Variants in GRIK2 observed in about 807,000 individuals in gnomAD.
GRIK2 encodes the protein glutamate receptor ionotropic, kainate 2.
Under a neutral mutation model 100.3 loss-of-function variants are expected in GRIK2, and 32 were observed. The ratio of observed to expected loss-of-function variants is 0.32; its 90% CI spans 0.24 to 0.43. The LOEUF (loss-of-function observed/expected upper bound fraction) is 0.43, where lower values mean the gene tolerates loss of function less well. Among genes scored for constraint, GRIK2 ranks in the 20% least tolerant of loss-of-function variants. GRIK2 has a pLI of 1.00. For missense variants in GRIK2, 843 were observed against 1,114.9 expected, an observed-to-expected ratio of 0.76 and a Z score of 3.47; for synonymous variants, 417 against 389.4, an observed-to-expected ratio of 1.07 and a Z score of -0.83.
intron 2 of GRIK2, among the ~76,000 whole-genome samples, chr6:101,523,720 C>CTTTTTTTTTTTTTTTTTTTTTTTTTTTTT (rs1163558120): frequency 8.2e-6 from 1 of 121,546 alleles, no homozygotes; most frequent in Admixed American, 8.7e-5. Flanking sequence ...ACTCCTAAGT[C>CTTTTTTTTTTTTTTTTTTTTTTTTTTTTT]TTTTTTTTTT....
intron 10 of GRIK2, among the ~76,000 whole-genome samples, chr6:101,836,075 T>G (rs1783070127): frequency 6.6e-6 from 1 of 151,452 alleles, no homozygotes; most frequent in Non-Finnish European, 1.5e-5. Context: ...GGTTGAATTT[T>G]TGGGGAGGCA....
chr6:102,055,400 G>A lies in GRIK2; in HGVS notation c.2382G>A (p.Met794Ile), dbSNP rs774745190. 1 of 1,613,112 alleles carries A rather than the reference G, an allele frequency of 6.2e-7. No individual in the cohort carries two copies. The highest frequency in any genetic ancestry group is 1.7e-5 in the Admixed American group (1 of 59,992). Residue 794 changes from methionine (M) to isoleucine (I), a missense_variant, in exon 16 of 17, where the codon ATG becomes ATA. This residue lies in a region of GRIK2 where 237 missense variants were observed against 388.0 expected (regional missense o/e 0.61). Coordinates refer to ENST00000369134, the MANE Select transcript of GRIK2 (RefSeq NM_021956.5). The part of the protein sequence containing the change: ...QLQEEGKLHM[M>I]KEKWWRGNGC... ...AAGAGGAAGGCAAACTGCATATGAT[G>A]AAGGAGAAATGGTGGAGGGGCAATG...
At chr6:102,013,597 G>A (rs2114327027) in intron 14 of GRIK2, among the ~76,000 whole-genome samples, 1 of 152,098 alleles carries the variant, frequency 6.6e-6, no homozygotes, top group African/African-American at 2.4e-5. Context: ...TTATTTTAAG[G>A]TATGTTGCTT....
chr6:101,473,416 A>C (rs902014407), intron 2 of GRIK2, among the ~76,000 whole-genome samples: 1 of 151,842 alleles, frequency 6.6e-6, no homozygotes, highest in African/African-American at 2.4e-5. Flanking sequence ...GTAAACAATT[A>C]GAGTGTCATT....
At chr6:101,822,207 TACACACACACACACACAC>T (rs58680927) in intron 10 of GRIK2, among the ~76,000 whole-genome samples, 2 of 143,148 alleles carry the variant, frequency 1.4e-5, no homozygotes, top group South Asian at 4.6e-4. Context: ...TGGAGAGTTT[TACACACACACACACACAC>T]ACACACACAC....
At chr6:101,509,811 T>C (rs924819127) in intron 2 of GRIK2, among the ~76,000 whole-genome samples, 14 of 152,228 alleles carry the variant, frequency 9.2e-5, no homozygotes, top group African/African-American at 2.9e-4. Flanking sequence ...TCTCTTACTT[T>C]GCTTTCTTAG....
rs539266235 is a variant in GRIK2, at chr6:101,399,799, C to T, written c.115+407C>T. On this transcript the variant is annotated intron_variant, in intron 2 of 16. Coordinates refer to ENST00000369134, the MANE Select transcript of GRIK2 (RefSeq NM_021956.5). Reference sequence around the variant, plus strand: ...AGCTTGCGGGGCTGGTGAGTTAACACCTGGTAACTCTTTGGCGAGTTGCGC... The same window carrying T: ...AGCTTGCGGGGCTGGTGAGTTAACATCTGGTAACTCTTTGGCGAGTTGCGC... Among the ~76,000 whole-genome samples, 4 of 152,336 alleles carry T rather than the reference C, an allele frequency of 2.6e-5. No individual in the cohort carries two copies. The East Asian group carries it at 5.8e-4, about 22-fold the overall frequency.
chr6:101,983,905 T>C (rs1240249803), intron 14 of GRIK2, among the ~76,000 whole-genome samples: 2 of 151,706 alleles, frequency 1.3e-5, no homozygotes, highest in Non-Finnish European at 3.0e-5. Flanking sequence ...AATCACCATA[T>C]ATATATTTTT....
intron 2 of GRIK2, among the ~76,000 whole-genome samples, chr6:101,483,936 A>C (rs1052448118): frequency 3.3e-5 from 5 of 152,224 alleles, no homozygotes; most frequent in African/African-American, 1.2e-4. Flanking sequence ...AAAGTAGGGC[A>C]TTAATATGAA....
At chr6:102,044,822 A>G (rs1024210885) in intron 15 of GRIK2, among the ~76,000 whole-genome samples, 1 of 151,582 alleles carries the variant, frequency 6.6e-6, no homozygotes, top group Non-Finnish European at 1.5e-5. Flanking sequence ...TCTTCCTCCA[A>G]TTTTCTGGTT....
rs1472759988 is a variant in GRIK2 at position 101,634,368 on chromosome 6, A to C, written c.541+7731A>C. Among the ~76,000 whole-genome samples the C allele has an allele frequency of 2.6e-5, 4 of 152,250 alleles. No individual in the cohort carries two copies. The South Asian group carries it at 6.2e-4, about 24-fold the overall frequency. On this transcript the variant is annotated intron_variant, in intron 4 of 16. Transcript: ENST00000369134. ...ATTTACCTAGAAGGGGAAAACAAGA[A>C]AAACAGCTTCAAGAGAGAAGACGGT...
intron 2 of GRIK2, among the ~76,000 whole-genome samples, chr6:101,543,193 G>A (rs2128289437): frequency 6.6e-6 from 1 of 152,256 alleles, no homozygotes; most frequent in South Asian, 2.1e-4. Flanking sequence ...ATCTAATGCA[G>A]ACAAAAATCA....
At chr6:101,596,954 G>A (rs1393259563) in intron 2 of GRIK2, among the ~76,000 whole-genome samples, 3 of 151,840 alleles carry the variant, frequency 2.0e-5, no homozygotes, top group East Asian at 3.9e-4. Flanking sequence ...GTTAATCACA[G>A]CAGTATTCAC....
chr6:101,638,687 T>G, intron 4 of GRIK2, among the ~76,000 whole-genome samples: 1 of 151,978 alleles, frequency 6.6e-6, no homozygotes, highest in East Asian at 1.9e-4. Context: ...TCATTTGTTG[T>G]GTGTGTGTAT....
intron 14 of GRIK2, among the ~76,000 whole-genome samples, chr6:101,937,681 C>A (rs1018899723): frequency 3.3e-5 from 5 of 151,622 alleles, no homozygotes; most frequent in African/African-American, 4.8e-5. Context: ...AACAAACATA[C>A]AAACAAAAAA....
chr6:101,463,835 TA>T (rs35385445), intron 2 of GRIK2, among the ~76,000 whole-genome samples: 491 of 147,038 alleles, frequency 3.3e-3, no homozygotes, highest in African/African-American at 9.4e-3. Flanking sequence ...TATTGGTAAT[TA>T]AAAAAAAAAA....
intron 16 of GRIK2, among the ~76,000 whole-genome samples, chr6:102,066,649 C>G (rs1052405280): frequency 6.6e-6 from 1 of 150,514 alleles, no homozygotes; most frequent in Non-Finnish European, 1.5e-5. Context: ...GGAAGTCCCA[C>G]CAATAAAGGG....
intron 7 of GRIK2, among the ~76,000 whole-genome samples, chr6:101,784,634 C>G (rs1583142681): frequency 6.6e-6 from 1 of 152,072 alleles, no homozygotes; most frequent in African/African-American, 2.4e-5. Context: ...AAGGGAGAGA[C>G]CTGGTGGGAG....
At chr6:101,888,587 A>T (rs915136532) in intron 11 of GRIK2, among the ~76,000 whole-genome samples, 1 of 152,242 alleles carries the variant, frequency 6.6e-6, no homozygotes, top group East Asian at 1.9e-4. Flanking sequence ...AAGCATTTCA[A>T]TGTTCTTTCT....
Sources: gnomAD v4.1 joint callset for allele counts (sites outside exome capture counted in the v4.1 genomes callset) on GRCh38, gnomAD v4.1.1 for gene constraint, gnomAD v4.1.1 regional missense constraint, MANE v1.5 for transcripts, NCBI Gene and HGNC (gene_info 2026-07-23, HGNC 2026-07-21) for gene names.